TTLL8: variants seen among roughly 807,000 people sequenced by gnomAD.
TTLL8 encodes the protein tubulin tyrosine ligase like 8.
Under a neutral mutation model 77.8 loss-of-function variants are expected in TTLL8, and 65 were observed. That is an observed-to-expected ratio of 0.84 (90% CI 0.68 to 1.03). The LOEUF (loss-of-function observed/expected upper bound fraction) is 1.03, where lower values mean the gene tolerates loss of function less well. TTLL8 is among the 50% of genes least tolerant of loss of function. The probability of loss-of-function intolerance (pLI) is 0.00; values close to 1 mark genes in which losing one functional copy is unlikely to be tolerated. For synonymous variants in TTLL8, 402 were observed against 422.8 expected, an observed-to-expected ratio of 0.95 and a Z score of 0.60; for missense variants, 910 against 1,004.5, an observed-to-expected ratio of 0.91 and a Z score of 1.27.
At chr22:50,050,017 G>C in intron 2 of TTLL8, 92 bp downstream of exon 4, 1 of 1,282,032 alleles carries the variant, frequency 7.8e-7, no homozygotes, top group Non-Finnish European at 1.0e-6. Context: ...CAGGGCCGAG[G>C]GGCAGGCACC....
intron 3 of TTLL8, among the ~76,000 whole-genome samples, chr22:50,047,656 C>G (rs2061421041): frequency 6.6e-6 from 1 of 152,196 alleles, no homozygotes; most frequent in African/African-American, 2.4e-5. Flanking sequence ...CCGAAGCCCC[C>G]AGGCCTGTAC....
intron 8 of TTLL8, among the ~76,000 whole-genome samples, chr22:50,036,602 CTTTTTTTTT>C (rs763378045): frequency 2.1e-5 from 3 of 141,160 alleles, no homozygotes; most frequent in Non-Finnish European, 3.1e-5. Context: ...CTTTTCTTTT[CTTTTTTTTT>C]TTTTTTAAGA....
At chr22:50,049,546 T>A (rs967030026) in intron 2 of TTLL8, among the ~76,000 whole-genome samples, 2 of 151,942 alleles carry the variant, frequency 1.3e-5, no homozygotes, top group Non-Finnish European at 2.9e-5. Flanking sequence ...GCACAGCACC[T>A]CCCCAGGGCT....
intron 12 of TTLL8, among the ~76,000 whole-genome samples, chr22:50,028,340 C>T (rs2061244365): frequency 6.6e-6 from 1 of 152,244 alleles, no homozygotes; most frequent in South Asian, 2.1e-4. Flanking sequence ...CAACACTGCC[C>T]TGTGGCAGGC....
At chr22:50,020,290 T>G (rs893983110) in intron 12 of TTLL8, among the ~76,000 whole-genome samples, 8 of 142,850 alleles carry the variant, frequency 5.6e-5, no homozygotes, top group African/African-American at 1.8e-4. Context: ...CCATCTGATG[T>G]GCACTCCTCC....
chr22:50,056,683 C>A (rs868046524), upstream of TTLL8: 4 of 888,656 alleles, frequency 4.5e-6, no homozygotes, highest in African/African-American at 3.6e-5. This position sits in a 1 kb window ranked among gnomAD's most constrained non-coding sequence, Gnocchi z 4.1. Flanking sequence ...CAGGAGCCAG[C>A]GCCCCCCAAC....
chr22:50,020,287 A>ACG (rs2061186853), intron 12 of TTLL8, among the ~76,000 whole-genome samples: 5 of 149,100 alleles, frequency 3.4e-5, no homozygotes, highest in African/African-American at 1.3e-4. Context: ...CCTCCATCTG[A>ACG]TGTGCACTCC....
At chr22:50,040,770 C>A (rs2061365575) in intron 8 of TTLL8, among the ~76,000 whole-genome samples, 1 of 152,220 alleles carries the variant, frequency 6.6e-6, no homozygotes, top group African/African-American at 2.4e-5. Context: ...GAAGCTGCCG[C>A]AGACCCTCTG....
Position 50,019,679 on chromosome 22 carries a change from C to T in TTLL8, c.2204-3117G>A, listed in dbSNP as rs80257276. Among the ~76,000 whole-genome samples the T allele has an allele frequency of 7.0e-3, 1,059 of 152,262 alleles. 11 individuals carry two copies. The highest frequency in any genetic ancestry group is 0.017 in the Middle Eastern group (5 of 294). On this transcript the variant is annotated intron_variant, in intron 12 of 13. Coordinates refer to ENST00000266182, the Ensembl canonical transcript of TTLL8. ...CAGATGAGGCTGCCTCAGTTCACAC[C>T]GGGACTGAGCTTCAGAAGCATCCCT...
At chr22:50,054,952 C>T (rs1291100060), upstream of TTLL8, among the ~76,000 whole-genome samples, 5 of 152,038 alleles carry the variant, frequency 3.3e-5, no homozygotes, top group Admixed American at 3.3e-4. Flanking sequence ...CCCAGCTACT[C>T]GGGAGGCTGA....
intron 10 of TTLL8, among the ~76,000 whole-genome samples, chr22:50,032,705 G>C (rs2061305637): frequency 6.6e-6 from 1 of 152,230 alleles, no homozygotes; most frequent in African/African-American, 2.4e-5. Flanking sequence ...GTCAGAGGAA[G>C]CCTTGGTGCA....
intron 12 of TTLL8, among the ~76,000 whole-genome samples, chr22:50,020,989 TTCCTCCATCTGACGTGCAC>T (rs2061194156): frequency 1.2e-5 from 1 of 86,136 alleles, no homozygotes; most frequent in Admixed American, 1.2e-4. Context: ...CTGACGTGCA[TTCCTCCATCTGACGTGCAC>T]TCCTCCATCT....
In TTLL8 at chr22:50,026,498, C is replaced by T. The variant is rs9628310; in HGVS notation, c.2203+3932G>A. Among the ~76,000 whole-genome samples the T allele has an allele frequency of 3.5e-3, 529 of 151,526 alleles. 3 individuals are homozygous for T. The highest frequency in any genetic ancestry group is 0.012 in the African/African-American group (494 of 41,314). On this transcript the variant is annotated intron_variant, in intron 12 of 13. Coordinates refer to ENST00000266182, the Ensembl canonical transcript of TTLL8. Reference sequence around the variant, plus strand: ...GAGTGGAGGGTCAGACACGGAAATACACCCGCCATTCTGCACCGCCGCCAC... The same window carrying T: ...GAGTGGAGGGTCAGACACGGAAATATACCCGCCATTCTGCACCGCCGCCAC...
At chr22:50,025,594 C>T (rs917944776) in intron 12 of TTLL8, among the ~76,000 whole-genome samples, 2 of 152,124 alleles carry the variant, frequency 1.3e-5, no homozygotes, top group African/African-American at 4.8e-5. Context: ...GAGCCGAGAT[C>T]GTGCGGTTGC....
chr22:50,047,195 G>A (rs373166430), exon 4 of TTLL8: 46 of 1,367,424 alleles, frequency 3.4e-5, no homozygotes, highest in Middle Eastern at 2.1e-4. Context: ...CTGTCTTTGC[G>A]TAGTGGTTCA....
Position 50,044,410 on chromosome 22 carries a change from T to C in TTLL8, c.643+845A>G, listed in dbSNP as rs189515648. ...ATGCAAACTACAACCTAACTCAGAA[T>C]TGAAAACGGAATGTAAGCACAGCCA... On this transcript the variant is annotated intron_variant, in intron 6 of 13. Transcript: ENST00000266182. The surrounding 1 kb of genome is among the most constrained non-coding windows in gnomAD (Gnocchi z 4.2). 6.3e-4 allele frequency among the ~76,000 whole-genome samples: 96 copies of C among 152,208 alleles called. No individual in the cohort carries two copies. The highest frequency in any genetic ancestry group is 2.2e-3 in the African/African-American group (93 of 41,526).
chr22:50,027,570 A>G (rs2061238182), intron 12 of TTLL8: 1 of 918,032 alleles, frequency 1.1e-6, no homozygotes, highest in Non-Finnish European at 1.3e-6. Context: ...GTTCTCCCCA[A>G]GATCTGCAGA....
chr22:50,027,889 G>A (rs1015369233), intron 12 of TTLL8, among the ~76,000 whole-genome samples: 5 of 152,358 alleles, frequency 3.3e-5, no homozygotes, highest in South Asian at 4.1e-4. Context: ...CGAAACGCTC[G>A]TACGCACGGG....
rs2061285901 is a variant in TTLL8 at position 50,030,905 on chromosome 22, TG to T, written c.1727del (p.Pro576HisfsTer14). On this transcript the variant is annotated frameshift_variant, in exon 12 of 14. Coordinates refer to ENST00000266182, the Ensembl canonical transcript of TTLL8. LOFTEE classifies it high-confidence loss of function. ...CCACGCAGAGGTCGGACCCGCTGAA[TG>T]GGGGCGGCTCAACCACCGGCTGTGG... 1 of 1,320,742 alleles carries T rather than the reference TG, an allele frequency of 7.6e-7. No homozygotes were observed. Among genetic ancestry groups the T allele is most frequent in the Non-Finnish European group, 9.9e-7 (1 of 1,005,880 alleles). The allele number at this position is 1,320,742 out of a possible 1,614,324, so 81.8% of individuals were successfully genotyped here. A position where few individuals can be genotyped will look rare whatever the true frequency, so the allele number is the denominator to read the frequency against.
Sources: allele counts gnomAD v4.1 joint callset (sites outside exome capture counted in the v4.1 genomes callset), GRCh38; gene constraint gnomAD v4.1.1; non-coding constraint Gnocchi (gnomAD v3.1); transcripts MANE v1.5; gene names NCBI Gene and HGNC (gene_info 2026-07-23, HGNC 2026-07-21).